The following GCA variants were observed in gnomAD, a reference collection of about 807,000 sequenced individuals.
The protein encoded by GCA is grancalcin, EF-hand calcium-binding protein.
In GCA, 30 loss-of-function variants were observed where a neutral mutation model predicts 32.6. The observed-to-expected ratio is 0.92, with a 90% confidence interval of 0.69 to 1.25. The LOEUF (loss-of-function observed/expected upper bound fraction) is 1.25, where lower values mean the gene tolerates loss of function less well. Among genes scored for constraint, GCA ranks in the 50% most tolerant of loss-of-function variants. The pLI is 0.00. For missense variants in GCA, 291 were observed against 266.8 expected (o/e 1.09, Z -0.63); for synonymous variants, 102 against 84.6 (o/e 1.21, Z -1.13).
chr2:162,373,589 G>C (rs979998772), downstream of GCA: 1 of 1,582,290 alleles, frequency 6.3e-7, no homozygotes. Context: ...CTGTAGGCTG[G>C]GGGGACCACA....
chr2:162,359,523 C>A lies in GCA; in HGVS notation c.598C>A (p.Gln200Lys), dbSNP rs1356138320. The change falls in exon 7 of 8, where the codon CAA becomes AAA. Residue 200 changes from glutamine to lysine, a missense_variant. Coordinates refer to ENST00000437150, the MANE Select transcript of GCA (RefSeq NM_012198.5). The part of the protein sequence containing the change: ...DFFRKRDHLQ[Q>K]GSANFIYDDF... ...CTTTAGGAAAAGAGACCACTTGCAA[C>A]AAGGGTCTGCGAATTTCATATATGA... 4.5e-6 allele frequency: 7 copies of A among 1,545,620 alleles called. No individual in the cohort carries two copies. In the African/African-American group the frequency reaches 8.2e-5, roughly 18 times the overall value.
chr2:162,354,418 G>T (rs1055417002), intron 3 of GCA, among the ~76,000 whole-genome samples: 1 of 152,156 alleles, frequency 6.6e-6, no homozygotes, highest in African/African-American at 2.4e-5. Context: ...CTTGCTTTTA[G>T]AAGATAGCCC....
At chr2:162,337,741 T>A (rs1361082087) in intron 1 of GCA, among the ~76,000 whole-genome samples, 1 of 152,222 alleles carries the variant, frequency 6.6e-6, no homozygotes, top group Non-Finnish European at 1.5e-5. Flanking sequence ...CTCTTTCTTT[T>A]ACTTCAGTTC....
downstream of GCA, chr2:162,373,325 C>T: frequency 2.1e-6 from 1 of 468,706 alleles, no homozygotes; most frequent in Non-Finnish European, 3.7e-6. Flanking sequence ...GATTACAGGG[C>T]CCATTTCCAG....
rs1458703522 is a variant in GCA, at chr2:162,347,641, C to T, written c.91C>T (p.Pro31Ser). Residue 31 changes from proline (P) to serine (S), a missense_variant, in exon 2 of 8, where the codon CCA (proline) becomes TCA (serine). Physicochemically the swap from Pro to Ser is moderately conservative, Grantham distance 74 (BLOSUM62 -1). Transcript: ENST00000437150. ...QMGQPVPETG[P>S]AILLDGYSGP... ...GGGACAGCCAGTGCCAGAAACAGGC[C>T]CAGCTATACTCCTCGATGGATACTC... The T allele has an allele frequency of 6.2e-7, 1 of 1,609,862 alleles. No individual in the cohort carries two copies. The highest frequency in any genetic ancestry group is 1.1e-5 in the South Asian group (1 of 90,572).
chr2:162,358,589 T>C (rs1174377681), intron 5 of GCA, among the ~76,000 whole-genome samples: 1 of 151,352 alleles, frequency 6.6e-6, no homozygotes, highest in African/African-American at 2.4e-5. Context: ...AGTAATCATG[T>C]TGATCCTCAA....
chr2:162,341,268 T>TATATATAC (rs1558890181), upstream of GCA, among the ~76,000 whole-genome samples: 1 of 19,926 alleles, frequency 5.0e-5, no homozygotes, highest in Admixed American at 6.7e-4. Context: ...TTATTTATTT[T>TATATATAC]ATATATATAT....
intron 4 of GCA, among the ~76,000 whole-genome samples, chr2:162,368,825 A>T (rs1275365778): frequency 6.6e-6 from 1 of 152,014 alleles, no homozygotes; most frequent in South Asian, 2.1e-4. Context: ...AGTGATTATT[A>T]ATTTAAAAAC....
chr2:162,373,422 G>T, downstream of GCA: 1 of 1,324,564 alleles, frequency 7.5e-7, no homozygotes. Context: ...GTGACCCCTG[G>T]AAACACACTG....
At chr2:162,347,777 T>A in intron 2 of GCA, 35 bp downstream of exon 2, 2 of 1,290,392 alleles carry the variant, frequency 1.5e-6, no homozygotes, top group Non-Finnish European at 2.1e-6. Context: ...AATATGTCTT[T>A]AAAATTATTG....
intron 6 of GCA, 89 bp from the exon 7 acceptor site, chr2:162,359,405 A>G (rs1230441583): frequency 1.6e-6 from 1 of 639,552 alleles, no homozygotes; most frequent in Non-Finnish European, 2.7e-6. Flanking sequence ...ATTGAATATG[A>G]AATTATTCTT....
chr2:162,351,474 G>C (rs1272341457), intron 2 of GCA, among the ~76,000 whole-genome samples: 2 of 152,158 alleles, frequency 1.3e-5, no homozygotes, highest in Non-Finnish European at 2.9e-5. Flanking sequence ...GAAGAATGCT[G>C]CTTAGTATTT....
At chr2:162,374,025 C>T (rs974747429), downstream of GCA, among the ~76,000 whole-genome samples, 1 of 152,124 alleles carries the variant, frequency 6.6e-6, no homozygotes, top group African/African-American at 2.4e-5. Flanking sequence ...TTCTTGTGAA[C>T]ATTTTATTTG....
Position 162,360,890 on chromosome 2 carries a change from C to A in GCA, c.*647C>A, listed in dbSNP as rs1440312952. ...ATTTTTCTTAAATATGTTTTATTGT[C>A]TTCTCTAAGCAAAAAGTTCTTAATA... On this transcript the variant is annotated 3_prime_UTR_variant, in exon 8 of 8. Coordinates refer to ENST00000437150, the MANE Select transcript of GCA (RefSeq NM_012198.5). 6.3e-6 allele frequency: 7 copies of A among 1,116,894 alleles called. No homozygotes were observed. Among genetic ancestry groups the A allele is most frequent in the Non-Finnish European group, 7.8e-6 (7 of 894,574 alleles). The allele number at this position is 1,116,894 out of a possible 1,614,324, so 69.2% of individuals were successfully genotyped here.
chr2:162,343,414 C>T (rs1452940829), upstream of GCA, among the ~76,000 whole-genome samples: 3 of 152,208 alleles, frequency 2.0e-5, no homozygotes, highest in East Asian at 5.8e-4. Flanking sequence ...TCTATATTAT[C>T]AGTGTATAAA....
Position 162,330,445 on chromosome 2 carries a change from C to T in GCA, c.-31+11220C>T, listed in dbSNP as rs560379435. On this transcript the variant is annotated intron_variant, in intron 1 of 4. Transcript: ENST00000429691. ...TGAATATTAAAATAAAAGAATGACC[C>T]AAAGGATGCTACAAACTTGCTTTCC... Among the ~76,000 whole-genome samples the T allele has an allele frequency of 5.3e-5, 8 of 152,262 alleles. No individual in the cohort carries two copies. The East Asian group carries it at 1.5e-3, about 29-fold the overall frequency.
intron 3 of GCA, among the ~76,000 whole-genome samples, chr2:162,353,349 T>C (rs1304211378): frequency 6.6e-6 from 1 of 152,080 alleles, no homozygotes; most frequent in African/African-American, 2.4e-5. Context: ...GCACCTGTAG[T>C]CCCAGCTACT....
intron 1 of GCA, among the ~76,000 whole-genome samples, chr2:162,332,704 T>TCCACAGTGAACCCTAGAGATAGCCTGAA: frequency 6.6e-6 from 1 of 151,686 alleles, no homozygotes; most frequent in African/African-American, 2.4e-5. Context: ...GAGTTTCTTA[T>TCCACAGTGAACCCTAGAGATAGCCTGAA]ACTTTTACCA....
At chr2:162,345,219 T>G (rs1017899571) in intron 1 of GCA, among the ~76,000 whole-genome samples, 7 of 151,976 alleles carry the variant, frequency 4.6e-5, no homozygotes, top group African/African-American at 1.7e-4. Context: ...TAAAATTGAT[T>G]TGCTTTCCTT....
Sources: allele counts gnomAD v4.1 joint callset (sites outside exome capture counted in the v4.1 genomes callset), GRCh38; gene constraint gnomAD v4.1.1; transcripts MANE v1.5; gene names NCBI Gene and HGNC (gene_info 2026-07-23, HGNC 2026-07-21).